HMGB1: variants seen among roughly 807,000 people sequenced by gnomAD.
HMGB1 encodes the protein high mobility group box 1.
For missense variants in HMGB1, 79 were observed against 253.5 expected (o/e 0.31, Z 4.67); for synonymous variants, 81 against 84.0 (o/e 0.96, Z 0.19).
chr13:30,590,814 C>T (rs1365981320), intron 1 of HMGB1, among the ~76,000 whole-genome samples: 1 of 152,118 alleles, frequency 6.6e-6, no homozygotes, highest in African/African-American at 2.4e-5. Flanking sequence ...GGACACACCA[C>T]GAAGGCACCA....
At chr13:30,505,673 C>T (rs1016649928) in intron 1 of HMGB1, among the ~76,000 whole-genome samples, 1 of 152,022 alleles carries the variant, frequency 6.6e-6, no homozygotes, top group African/African-American at 2.4e-5. Context: ...CCCCTGTACC[C>T]GTTATTCAAC....
intron 1 of HMGB1, among the ~76,000 whole-genome samples, chr13:30,487,405 G>A (rs935880202): frequency 2.6e-5 from 4 of 152,198 alleles, no homozygotes; most frequent in East Asian, 1.9e-4. Context: ...TGTGGTGATC[G>A]AATGGGATGC....
chr13:30,461,110 C>T lies in HMGB1; in HGVS notation c.*247G>A, dbSNP rs1886297395. 8.5e-7 allele frequency: 1 copy of T among 1,177,616 alleles called. No homozygotes were observed. The highest frequency in any genetic ancestry group is 1.1e-6 in the Non-Finnish European group (1 of 948,210). 72.9% of individuals were successfully genotyped at this position (1,177,616 alleles called of 1,614,324 possible). A position where few individuals can be genotyped will look rare whatever the true frequency, so the allele number is the denominator to read the frequency against. On this transcript the variant is annotated 3_prime_UTR_variant, in exon 5 of 5. Coordinates refer to ENST00000341423, the MANE Select transcript of HMGB1 (RefSeq NM_002128.7). ...ACCAACAAGAACCTGCTTTAAATTT[C>T]CATGCCAATTTACAACCCCCATACT...
At chr13:30,524,337 T>TAAAAAAAA (rs756389867) in intron 1 of HMGB1, among the ~76,000 whole-genome samples, 4 of 47,438 alleles carry the variant, frequency 8.4e-5, no homozygotes, top group Non-Finnish European at 1.6e-4. Flanking sequence ...TAAAGTATAT[T>TAAAAAAAA]AAAAAAAAAA....
rs77089886 is a variant in HMGB1, at chr13:30,614,619, T to A, written c.-15+2052A>T. Reference sequence around the variant, plus strand: ...AGATATTCCAGTATCAACTTTAGACTATTATCACACCATCTTCTCATTTTC... The same window carrying A: ...AGATATTCCAGTATCAACTTTAGACAATTATCACACCATCTTCTCATTTTC... On this transcript the variant is annotated intron_variant, in intron 1 of 4. Coordinates refer to the HMGB1 transcript ENST00000405805. Among the ~76,000 whole-genome samples the A allele has an allele frequency of 5.0e-3, 762 of 152,338 alleles. 9 individuals are homozygous for A. The highest frequency in any genetic ancestry group is 0.017 in the African/African-American group (714 of 41,578).
rs780617446 is a variant in HMGB1, at chr13:30,611,648, C to T, written c.-15+5023G>A. ...ACTCTATTTAGCACTTATTTCATCCCGCCTTGTATGAAAACTATTTGTTTA... is the reference window on the plus strand; with the variant it reads ...ACTCTATTTAGCACTTATTTCATCCTGCCTTGTATGAAAACTATTTGTTTA... On this transcript the variant is annotated intron_variant, in intron 1 of 4. Coordinates refer to the HMGB1 transcript ENST00000405805. Among the ~76,000 whole-genome samples the T allele has an allele frequency of 2.1e-4, 32 of 152,076 alleles. No homozygotes were observed. The Middle Eastern group carries it at 0.01, about 48-fold the overall frequency.
rs398022159 is a variant in HMGB1, at chr13:30,458,331, G to GTTTTTTTTTTTTTT, written c.*3012_*3025dup. ...TTCAAAAACCAGTTGTCTCTCCTGTGTTTTTTTTTTTTTTTTGAGATGGAG... is the reference window on the plus strand; with the variant it reads ...TTCAAAAACCAGTTGTCTCTCCTGTGTTTTTTTTTTTTTTTTTTTTTTTTTTTTTTGAGATGGAG... On this transcript the variant is annotated 3_prime_UTR_variant, in exon 5 of 5. Coordinates refer to ENST00000341423, the MANE Select transcript of HMGB1 (RefSeq NM_002128.7). The GTTTTTTTTTTTTTT allele has an allele frequency of 1.5e-5, 2 of 137,034 alleles. 1 individual carries two copies. Among genetic ancestry groups the GTTTTTTTTTTTTTT allele is most frequent in the African/African-American group, 5.5e-5 (2 of 36,242 alleles). 8.5% of individuals were successfully genotyped at this position (137,034 alleles called of 1,614,324 possible).
chr13:30,581,682 T>A (rs373500936), intron 1 of HMGB1, among the ~76,000 whole-genome samples: 5 of 152,122 alleles, frequency 3.3e-5, no homozygotes, highest in African/African-American at 1.2e-4. Context: ...TAATGGAAAT[T>A]GGGGTTCCCA....
intron 1 of HMGB1, chr13:30,553,937 A>T (rs1869553371): frequency 6.9e-7 from 1 of 1,457,648 alleles, no homozygotes; most frequent in Admixed American, 1.7e-5. Context: ...CACCGGGTCC[A>T]CTTCCTAACA....
At chr13:30,478,585 T>C (rs956818455) in intron 1 of HMGB1, among the ~76,000 whole-genome samples, 5 of 152,216 alleles carry the variant, frequency 3.3e-5, no homozygotes, top group African/African-American at 1.2e-4. Context: ...AAAAAGAGTA[T>C]GTATGAATCC....
chr13:30,614,021 G>T (rs1222772061), intron 1 of HMGB1, among the ~76,000 whole-genome samples: 1 of 152,018 alleles, frequency 6.6e-6, no homozygotes, highest in South Asian at 2.1e-4. Flanking sequence ...AACTTTTAAG[G>T]TAAGTGAACA....
At chr13:30,531,996 C>G (rs908998193) in intron 1 of HMGB1, among the ~76,000 whole-genome samples, 14 of 151,766 alleles carry the variant, frequency 9.2e-5, no homozygotes, top group African/African-American at 3.4e-4. Context: ...AAGATAGCCA[C>G]GTTTATGGTA....
intron 1 of HMGB1, chr13:30,464,075 C>T (rs573128800): frequency 4.4e-5 from 43 of 982,768 alleles, no homozygotes; most frequent in Admixed American, 1.8e-4. Flanking sequence ...GCTGCCAATT[C>T]GTGGCTTTGC....
intron 1 of HMGB1, among the ~76,000 whole-genome samples, chr13:30,492,018 A>G (rs192553885): frequency 6.6e-6 from 1 of 152,204 alleles, no homozygotes; most frequent in Non-Finnish European, 1.5e-5. Flanking sequence ...CATACAAAAA[A>G]TTAGCCAGGC....
rs906099353 is a variant in HMGB1 at position 30,459,513 on chromosome 13, TAAC to T, written c.*1841_*1843del. ...ATCAGATTGAGTCATTTGCTCCTCTTAACAAAAAATCTGATGTTCGACACAATT... is the reference window on the plus strand; with the variant it reads ...ATCAGATTGAGTCATTTGCTCCTCTTAAAAAATCTGATGTTCGACACAATT... On this transcript the variant is annotated 3_prime_UTR_variant, in exon 5 of 5. Transcript: ENST00000341423. The T allele has an allele frequency of 4.1e-5, 6 of 145,606 alleles. No homozygotes were observed. Among genetic ancestry groups the T allele is most frequent in the African/African-American group, 1.3e-4 (5 of 39,702 alleles). The allele number at this position is 145,606 out of a possible 1,614,324, so 9.0% of individuals were successfully genotyped here.
chr13:30,554,520 G>C, intron 1 of HMGB1: 1 of 926,204 alleles, frequency 1.1e-6, no homozygotes, highest in Non-Finnish European at 1.8e-6. Flanking sequence ...GTAGATTCTA[G>C]TATACAGAAA....
chr13:30,507,940 C>T lies in HMGB1; in HGVS notation c.-14-44246G>A, dbSNP rs577476660. On this transcript the variant is annotated intron_variant, in intron 1 of 4. Transcript: ENST00000405805. ...TGAGCCCCGGGATTCAAGGCTGCAGCGAGCTATGACGGCACTACTACATTC... is the reference window on the plus strand; with the variant it reads ...TGAGCCCCGGGATTCAAGGCTGCAGTGAGCTATGACGGCACTACTACATTC... Among the ~76,000 whole-genome samples the T allele has an allele frequency of 4.6e-5, 7 of 152,168 alleles. No homozygotes were observed. The South Asian group carries it at 1.5e-3, about 32-fold the overall frequency.
At chr13:30,550,145 A>T (rs190544772) in intron 1 of HMGB1, among the ~76,000 whole-genome samples, 8 of 152,350 alleles carry the variant, frequency 5.3e-5, no homozygotes, top group Middle Eastern at 3.4e-3. Flanking sequence ...TTTCCTTAAC[A>T]TTAAATTGAA....
At chr13:30,469,096 G>A (rs1886865012), upstream of HMGB1, among the ~76,000 whole-genome samples, 1 of 152,016 alleles carries the variant, frequency 6.6e-6, no homozygotes, top group East Asian at 1.9e-4. Flanking sequence ...TCACCATGTT[G>A]GTCAGGCTGG....
Sources: allele counts gnomAD v4.1 joint callset (sites outside exome capture counted in the v4.1 genomes callset), GRCh38; gene constraint gnomAD v4.1.1; transcripts MANE v1.5; gene names NCBI Gene and HGNC (gene_info 2026-07-23, HGNC 2026-07-21).